Variants in LRP1B observed in about 807,000 individuals in gnomAD.
The protein encoded by LRP1B is low-density lipoprotein receptor-related protein 1B.
Under a neutral mutation model 556.6 loss-of-function variants are expected in LRP1B, and 217 were observed. The ratio of observed to expected loss-of-function variants is 0.39; its 90% CI spans 0.35 to 0.44. LRP1B has a LOEUF of 0.44. Among genes scored for constraint, LRP1B ranks in the 20% least tolerant of loss-of-function variants. The probability of loss-of-function intolerance (pLI) is 1.00; values close to 1 mark genes in which losing one functional copy is unlikely to be tolerated. For missense variants in LRP1B, 5,053 were observed against 5,620.8 expected (o/e 0.90, Z 3.23); for synonymous variants, 2,047 against 1,865.8 (o/e 1.10, Z -2.50).
intron 7 of LRP1B, among the ~76,000 whole-genome samples, chr2:141,171,462 G>C (rs1015259188): frequency 4.6e-5 from 7 of 151,928 alleles, no homozygotes; most frequent in Admixed American, 2.6e-4. Flanking sequence ...AATTCTATGT[G>C]TCATTTCTAT....
At chr2:142,054,634 A>G (rs1039186699) in intron 1 of LRP1B, among the ~76,000 whole-genome samples, 4 of 152,148 alleles carry the variant, frequency 2.6e-5, no homozygotes, top group Non-Finnish European at 4.4e-5. Context: ...ATTATTCTAT[A>G]TAAGTAATTG....
intron 66 of LRP1B, among the ~76,000 whole-genome samples, chr2:140,417,597 G>A (rs1046190683): frequency 1.3e-5 from 2 of 152,124 alleles, no homozygotes; most frequent in African/African-American, 2.4e-5. Context: ...AACTATTCAA[G>A]TCTTTGAATA....
chr2:140,452,601 C>A (rs1266239235), intron 62 of LRP1B, among the ~76,000 whole-genome samples: 1 of 151,992 alleles, frequency 6.6e-6, no homozygotes, highest in African/African-American at 2.4e-5. Context: ...TGACTAACAG[C>A]CAGCTGGCAT....
At chr2:141,285,961 G>A (rs1685703931) in intron 3 of LRP1B, among the ~76,000 whole-genome samples, 1 of 147,494 alleles carries the variant, frequency 6.8e-6, no homozygotes, top group Non-Finnish European at 1.5e-5. Flanking sequence ...CAGCTACTTG[G>A]GAGGCTGAGG....
intron 67 of LRP1B, among the ~76,000 whole-genome samples, chr2:140,382,352 G>C (rs1683551057): frequency 6.6e-6 from 1 of 151,942 alleles, no homozygotes; most frequent in Admixed American, 6.6e-5. Context: ...ATAATGTAAG[G>C]CTATAAAGTA....
At chr2:141,559,566 A>G (rs1430034225) in intron 2 of LRP1B, among the ~76,000 whole-genome samples, 3 of 151,652 alleles carry the variant, frequency 2.0e-5, no homozygotes, top group African/African-American at 7.3e-5. Flanking sequence ...GTCAGTATTA[A>G]TTTGGGTAGT....
intron 7 of LRP1B, among the ~76,000 whole-genome samples, chr2:141,147,530 A>T (rs1476682384): frequency 6.6e-6 from 1 of 152,196 alleles, no homozygotes; most frequent in Non-Finnish European, 1.5e-5. Context: ...TTAATAAATA[A>T]AAAAGTCTCA....
chr2:141,452,183 G>T (rs1432500155), intron 3 of LRP1B, among the ~76,000 whole-genome samples: 1 of 151,798 alleles, frequency 6.6e-6, no homozygotes, highest in African/African-American at 2.4e-5. Flanking sequence ...TAAGGAGGCT[G>T]GAAAAAAAAA....
At chr2:141,049,324 T>C (rs531892922) in intron 10 of LRP1B, 102 bp from the exon 11 acceptor site, 766 of 763,644 alleles carry the variant, frequency 1.0e-3, no homozygotes, top group Non-Finnish European at 1.4e-3. Flanking sequence ...TTTTTTAAAT[T>C]CAATGCTAAA....
intron 2 of LRP1B, among the ~76,000 whole-genome samples, chr2:141,707,115 T>A (rs1692171125): frequency 6.6e-6 from 1 of 152,122 alleles, no homozygotes; most frequent in Non-Finnish European, 1.5e-5. Context: ...ATCAGTGTAA[T>A]TTAAGTGCAT....
At chr2:140,671,447 A>G (rs4422108) in intron 41 of LRP1B, among the ~76,000 whole-genome samples, 79,355 of 151,514 alleles carry the variant, frequency 0.52, 23,794 homozygotes, top group Non-Finnish European at 0.69. Context: ...CGTGAATCCG[A>G]GAGGCAGAGC....
At chr2:140,238,754 C>T (rs1183164600) in intron 88 of LRP1B, among the ~76,000 whole-genome samples, 2 of 150,744 alleles carry the variant, frequency 1.3e-5, no homozygotes, top group African/African-American at 4.8e-5. Flanking sequence ...AGTGTTGAAG[C>T]CTGGGCTTTT....
intron 59 of LRP1B, among the ~76,000 whole-genome samples, chr2:140,476,539 T>A (rs1687982262): frequency 6.6e-6 from 1 of 151,932 alleles, no homozygotes; most frequent in Non-Finnish European, 1.5e-5. Flanking sequence ...AGGAAAGAGT[T>A]TTCAGGAAAA....
intron 2 of LRP1B, among the ~76,000 whole-genome samples, chr2:141,558,558 AGC>A (rs1426274094): frequency 6.6e-6 from 1 of 151,854 alleles, no homozygotes; most frequent in African/African-American, 2.4e-5. Flanking sequence ...AGCCCTACAG[AGC>A]ATATTAATAT....
At chr2:141,281,137 T>G (rs2683837) in intron 3 of LRP1B, among the ~76,000 whole-genome samples, 1 of 152,180 alleles carries the variant, frequency 6.6e-6, no homozygotes, top group East Asian at 1.9e-4. Context: ...TAATTTACCC[T>G]AAGCCTTATT....
rs1375652865 is a variant in LRP1B at position 141,741,887 on chromosome 2, T to A, written c.205+68392A>T. 2.0e-5 allele frequency among the ~76,000 whole-genome samples: 3 copies of A among 152,154 alleles called. No individual in the cohort carries two copies. The East Asian group carries it at 5.8e-4, about 29-fold the overall frequency. On this transcript the variant is annotated intron_variant, in intron 2 of 90. Coordinates refer to ENST00000389484, the MANE Select transcript of LRP1B (RefSeq NM_018557.3). ...TTGACAACTCCAATATCCTGGGGAG[T>A]TTCTCCATTGCTTTCTTTCAGTAGT...
At chr2:140,878,840 C>G (rs1449516620) in intron 25 of LRP1B, among the ~76,000 whole-genome samples, 1 of 151,950 alleles carries the variant, frequency 6.6e-6, no homozygotes, top group Non-Finnish European at 1.5e-5. Context: ...AACCCTGTCT[C>G]TACTAAAAAT....
intron 3 of LRP1B, among the ~76,000 whole-genome samples, chr2:141,349,359 T>C (rs1688366932): frequency 1.3e-5 from 2 of 152,026 alleles, no homozygotes; most frequent in Non-Finnish European, 1.5e-5. Context: ...AACTCAGCTT[T>C]GTCAATTAGA....
At chr2:141,211,978 C>T (rs1016955793) in intron 6 of LRP1B, among the ~76,000 whole-genome samples, 1 of 151,978 alleles carries the variant, frequency 6.6e-6, no homozygotes, top group Admixed American at 6.6e-5. Context: ...CAGAAAAAAG[C>T]CACTTTTATG....
Sources: gnomAD v4.1 joint callset for allele counts (sites outside exome capture counted in the v4.1 genomes callset) on GRCh38, gnomAD v4.1.1 for gene constraint, MANE v1.5 for transcripts, NCBI Gene and HGNC (gene_info 2026-07-23, HGNC 2026-07-21) for gene names.